Variants in DENND2B observed in about 807,000 individuals in gnomAD.
DENND2B encodes DENN domain-containing protein 2B.
A neutral mutation model predicts 116.0 loss-of-function variants in DENND2B; 32 were observed. The observed-to-expected ratio is 0.28, with a 90% CI of 0.21 to 0.37. The LOEUF (loss-of-function observed/expected upper bound fraction) is 0.37. Among genes scored for constraint, DENND2B ranks in the 10% least tolerant of loss-of-function variants. The pLI is 1.00. For missense variants in DENND2B, 1,276 were observed against 1,477.7 expected (o/e 0.86, Z 2.24); for synonymous variants, 588 against 583.9 (o/e 1.01, Z -0.10).
chr11:8,730,003 T>C lies in DENND2B; in HGVS notation c.1287A>G (p.Pro429=). 6.2e-7 allele frequency: 1 copy of C among 1,614,062 alleles called. No homozygotes were observed. Among genetic ancestry groups the C allele is most frequent in the South Asian group, 1.1e-5 (1 of 91,064 alleles). ...PPPLPSTPAP[P]VTRRPKKDMR... is the part of the protein sequence containing the mutation. ...TGTCCTTCTTGGGTCTCCGGGTGAC[T>C]GGCGGGGCTGGGGTGGAGGGCAAGG... Residue 429 remains proline, a synonymous_variant, in exon 3 of 20, where the codon CCA becomes CCG. Transcript: ENST00000313726. The surrounding 1 kb of genome is among the most constrained non-coding windows in gnomAD (Gnocchi z 4.1).
intron 4 of DENND2B, chr11:8,718,270 A>C: frequency 1.2e-5 from 14 of 1,201,734 alleles, no homozygotes; most frequent in Non-Finnish European, 1.5e-5. Context: ...CAAACACCCC[A>C]GAGATAACAC....
At chr11:8,815,733 T>C (rs982219125) in intron 4 of DENND2B, among the ~76,000 whole-genome samples, 3 of 152,248 alleles carry the variant, frequency 2.0e-5, no homozygotes, top group African/African-American at 7.2e-5. Flanking sequence ...GATATCACTT[T>C]ATCACTGTTA....
At chr11:8,787,461 C>T (rs114960336) in intron 1 of DENND2B, among the ~76,000 whole-genome samples, 1,765 of 152,268 alleles carry the variant, frequency 0.012, 46 homozygotes, top group African/African-American at 0.041. Flanking sequence ...CAGGCACATG[C>T]CATCATGCCA....
At chr11:8,738,138 A>G (rs137912105) in intron 2 of DENND2B, among the ~76,000 whole-genome samples, 1 of 152,328 alleles carries the variant, frequency 6.6e-6, no homozygotes, top group East Asian at 1.9e-4. Context: ...ACGCTTGAGT[A>G]GGCAACGAAG....
chr11:8,898,310 T>A (rs890616608), intron 1 of DENND2B, among the ~76,000 whole-genome samples: 6 of 152,038 alleles, frequency 3.9e-5, no homozygotes, highest in African/African-American at 1.4e-4. Flanking sequence ...GACAACTGCT[T>A]CAGCGCAGAA....
chr11:8,765,011 A>C (rs1452703783), intron 1 of DENND2B, among the ~76,000 whole-genome samples: 1 of 152,056 alleles, frequency 6.6e-6, no homozygotes, highest in Non-Finnish European at 1.5e-5. Context: ...CTGGCCCCTA[A>C]ATTCTGGTTG....
At chr11:8,852,061 G>A (rs749517729) in intron 3 of DENND2B, among the ~76,000 whole-genome samples, 1 of 152,226 alleles carries the variant, frequency 6.6e-6, no homozygotes, top group South Asian at 2.1e-4. Flanking sequence ...CTGGAGAGCA[G>A]AGAAGGCCTT....
In DENND2B at chr11:8,731,123, C is replaced by G; in HGVS notation, c.167G>C (p.Arg56Thr). 1 of 1,595,674 alleles carries G rather than the reference C, an allele frequency of 6.3e-7. No homozygotes were observed. Among genetic ancestry groups the G allele is most frequent in the Non-Finnish European group, 8.5e-7 (1 of 1,170,250 alleles). The change falls in exon 3 of 20, where the codon AGG (arginine) becomes ACG (threonine). Residue 56 changes from arginine to threonine, a missense_variant. Physicochemically the swap from Arg to Thr is moderately conservative, Grantham distance 71. Transcript: ENST00000313726. ...CCGGGAGCTGGAGTGGCTGGGGTACCTGCAGGCTGAGGTTTCACTATCACT... is the reference window on the plus strand; with the variant it reads ...CCGGGAGCTGGAGTGGCTGGGGTACGTGCAGGCTGAGGTTTCACTATCACT... ...PLSDSETSAC[R>T]YPSHSSSRVL...
rs67181023 is a variant in DENND2B, at chr11:8,836,413, C to CTTTT, written c.-115+2893_-115+2896dup. 1.9e-3 allele frequency among the ~76,000 whole-genome samples: 147 copies of CTTTT among 77,518 alleles called. 1 individual carries two copies. The highest frequency in any genetic ancestry group is 9.5e-3 in the East Asian group (21 of 2,218). 50.9% of individuals were successfully genotyped at this position (77,518 alleles called of 152,430 possible). A position where few individuals can be genotyped will look rare whatever the true frequency, so the allele number is the denominator to read the frequency against. On this transcript the variant is annotated intron_variant, in intron 4 of 6. Transcript: ENST00000524757. ...CAAAGACAAGCATCCTTCTGTACTT[C>CTTTT]TTTTTTTTTTTTTTTTTTTTTTTTC... is the stretch of plus-strand genomic sequence containing the variant.
intron 4 of DENND2B, chr11:8,718,554 T>C (rs1239055840): frequency 2.8e-6 from 4 of 1,417,658 alleles, no homozygotes; most frequent in Non-Finnish European, 3.7e-6. Context: ...ACTCTCCTAC[T>C]GTAGTGTCTA....
intron 1 of DENND2B, among the ~76,000 whole-genome samples, chr11:8,778,519 G>A (rs1239634286): frequency 6.6e-6 from 1 of 152,176 alleles, no homozygotes; most frequent in Non-Finnish European, 1.5e-5. Flanking sequence ...TCTGTTGTTA[G>A]CAACAGAAAC....
At chr11:8,798,533 G>A (rs1055936353) in intron 1 of DENND2B, among the ~76,000 whole-genome samples, 3 of 152,102 alleles carry the variant, frequency 2.0e-5, no homozygotes, top group Non-Finnish European at 2.9e-5. Flanking sequence ...AGTCTCCACC[G>A]CCTTTTTTTG....
At chr11:8,876,406 T>G (rs749423055), upstream of DENND2B, among the ~76,000 whole-genome samples, 7 of 152,216 alleles carry the variant, frequency 4.6e-5, no homozygotes, top group Admixed American at 2.6e-4. Flanking sequence ...TTATATTTCC[T>G]GCCTTGGATA....
chr11:8,787,944 G>A (rs1007251642), intron 1 of DENND2B, among the ~76,000 whole-genome samples: 4 of 152,140 alleles, frequency 2.6e-5, no homozygotes, highest in African/African-American at 7.2e-5. Context: ...TATTACCTAG[G>A]AGACATGCAT....
intron 2 of DENND2B, among the ~76,000 whole-genome samples, chr11:8,867,249 C>T (rs2063614042): frequency 1.3e-5 from 2 of 152,312 alleles, no homozygotes; most frequent in Non-Finnish European, 2.9e-5. Context: ...TGCTGCCCTT[C>T]CTGAGCCCAT....
chr11:8,868,718 C>T (rs779655245), intron 2 of DENND2B, among the ~76,000 whole-genome samples: 31 of 152,230 alleles, frequency 2.0e-4, no homozygotes, highest in Non-Finnish European at 2.6e-4. Context: ...TTACTTTTCT[C>T]TCTAGGTCCA....
At chr11:8,746,503 C>G (rs906060926) in intron 2 of DENND2B, among the ~76,000 whole-genome samples, 2 of 152,148 alleles carry the variant, frequency 1.3e-5, no homozygotes, top group African/African-American at 4.8e-5. Flanking sequence ...GGAAATAAGA[C>G]CCACACAAAT....
chr11:8,742,781 G>T (rs569653526), intron 2 of DENND2B, among the ~76,000 whole-genome samples: 5 of 152,182 alleles, frequency 3.3e-5, no homozygotes, highest in Non-Finnish European at 7.3e-5. Flanking sequence ...CCAGATTGTG[G>T]TGGCTGGGCA....
chr11:8,828,066 GGACCCCAAGGCCAAGGCCATTCA>G (rs1175715698), intron 4 of DENND2B, among the ~76,000 whole-genome samples: 7 of 152,168 alleles, frequency 4.6e-5, no homozygotes, highest in African/African-American at 1.7e-4. Context: ...AACTTGGGAT[GGACCCCAAGGCCAAGGCCATTCA>G]GACTAAACTA....
Sources: allele counts gnomAD v4.1 joint callset (sites outside exome capture counted in the v4.1 genomes callset), GRCh38; gene constraint gnomAD v4.1.1; non-coding constraint Gnocchi (gnomAD v3.1); transcripts MANE v1.5; gene names NCBI Gene and HGNC (gene_info 2026-07-23, HGNC 2026-07-21).